MAP4K4: variants seen among roughly 807,000 people sequenced by gnomAD.
The protein encoded by MAP4K4 is mitogen-activated protein kinase kinase kinase kinase 4.
Under a neutral mutation model 189.6 loss-of-function variants are expected in MAP4K4, and 38 were observed. The ratio of observed to expected loss-of-function variants is 0.20; its 90% CI spans 0.15 to 0.26. The LOEUF (loss-of-function observed/expected upper bound fraction) is 0.26, where lower values mean the gene tolerates loss of function less well. Ranked by LOEUF, MAP4K4 falls within the 10% of genes least tolerant of loss-of-function variation. The pLI, the probability that MAP4K4 is intolerant of heterozygous loss-of-function variation, is 1.00. For missense variants in MAP4K4, 1,054 were observed against 1,726.9 expected (o/e 0.61, Z 6.91); for synonymous variants, 610 against 624.3 (o/e 0.98, Z 0.34).
At chr2:101,793,219 T>C (rs2093222834) in intron 3 of MAP4K4, among the ~76,000 whole-genome samples, 1 of 152,258 alleles carries the variant, frequency 6.6e-6, no homozygotes, top group South Asian at 2.1e-4. Flanking sequence ...ATAAGTATTA[T>C]ACAAACACAA....
rs189119141 is a variant in MAP4K4 at position 101,870,885 on chromosome 2, C to T, written c.2760+470C>T. On this transcript the variant is annotated intron_variant, in intron 23 of 32. Transcript: ENST00000324219. ...CAGAGACTCGGAGAGCAGAAGGGTT[C>T]GGGAGGTTTCTCTTCTATGTTCCAA... Among the ~76,000 whole-genome samples the T allele has an allele frequency of 3.5e-3, 539 of 152,246 alleles. 2 individuals are homozygous for T. The highest frequency in any genetic ancestry group is 0.012 in the African/African-American group (514 of 41,542).
chr2:101,786,615 C>T (rs975462623), intron 2 of MAP4K4, among the ~76,000 whole-genome samples: 1 of 152,116 alleles, frequency 6.6e-6, no homozygotes, highest in Non-Finnish European at 1.5e-5. Flanking sequence ...TAAGCTGTTT[C>T]TTTGAAAACA....
chr2:101,816,179 A>T (rs1035401089), intron 3 of MAP4K4, among the ~76,000 whole-genome samples: 1 of 152,122 alleles, frequency 6.6e-6, no homozygotes, highest in African/African-American at 2.4e-5. Context: ...TTATGGCCTG[A>T]AGTCTCTTCT....
intron 3 of MAP4K4, chr2:101,797,365 A>G: frequency 7.7e-7 from 1 of 1,290,778 alleles, no homozygotes; most frequent in Non-Finnish European, 1.0e-6. Context: ...TTACCACAGG[A>G]TCATTCAACG....
At chr2:101,886,956 C>T (rs575683453) in intron 29 of MAP4K4, 132 bp from the exon 30 acceptor site, 13 of 592,244 alleles carry the variant, frequency 2.2e-5, no homozygotes, top group South Asian at 8.9e-5. Flanking sequence ...ACCTGGGAGG[C>T]GGAGCTTGCA....
At chr2:101,704,639 C>T (rs1364850323) in intron 2 of MAP4K4, among the ~76,000 whole-genome samples, 2 of 123,832 alleles carry the variant, frequency 1.6e-5, no homozygotes. Context: ...GTGGTGTGAT[C>T]TCGGCCCACT....
At chr2:101,710,871 G>C (rs1470306259) in intron 2 of MAP4K4, among the ~76,000 whole-genome samples, 1 of 152,166 alleles carries the variant, frequency 6.6e-6, no homozygotes, top group Non-Finnish European at 1.5e-5. Context: ...GATAGGAGGG[G>C]TGTGTTCCAT....
chr2:101,874,503 GTAGT>G (rs910463669), intron 26 of MAP4K4, among the ~76,000 whole-genome samples: 1 of 152,158 alleles, frequency 6.6e-6, no homozygotes, highest in African/African-American at 2.4e-5. Flanking sequence ...AATTTTTGTA[GTAGT>G]TTTGTTACGT....
chr2:101,776,586 C>G lies in MAP4K4; in HGVS notation c.124-14134C>G, dbSNP rs1405080658. On this transcript the variant is annotated intron_variant, in intron 2 of 32. Coordinates refer to ENST00000324219, the Ensembl canonical transcript of MAP4K4. ...AATGCACCCCCACCCCCCCACCCCCCCAAAAAAAAACACTATGGAAAATGT... is the reference window on the plus strand; with the variant it reads ...AATGCACCCCCACCCCCCCACCCCCGCAAAAAAAAACACTATGGAAAATGT... Among the ~76,000 whole-genome samples the G allele has an allele frequency of 3.4e-5, 4 of 118,544 alleles. 1 individual carries two copies. The East Asian group carries it at 8.9e-4, about 26-fold the overall frequency. The allele number at this position is 118,544 out of a possible 152,430, so 77.8% of individuals were successfully genotyped here.
intron 2 of MAP4K4, among the ~76,000 whole-genome samples, chr2:101,753,668 T>C (rs2070513049): frequency 6.6e-6 from 1 of 152,184 alleles, no homozygotes; most frequent in South Asian, 2.1e-4. Flanking sequence ...ATACAGTTTT[T>C]TTTTTTTTTC....
chr2:101,704,567 A>AT (rs57278834), intron 2 of MAP4K4, among the ~76,000 whole-genome samples: 29 of 23,398 alleles, frequency 1.2e-3, no homozygotes, highest in East Asian at 3.4e-3. Flanking sequence ...ATATATATAT[A>AT]TTTTTTTTTT....
At chr2:101,795,061 G>A (rs1250342455) in intron 3 of MAP4K4, among the ~76,000 whole-genome samples, 3 of 152,188 alleles carry the variant, frequency 2.0e-5, no homozygotes, top group Non-Finnish European at 4.4e-5. Flanking sequence ...CAGGGAGTAC[G>A]TCAGTTCTAG....
chr2:101,705,892 C>T (rs553199490), intron 2 of MAP4K4, among the ~76,000 whole-genome samples: 35 of 152,276 alleles, frequency 2.3e-4, no homozygotes, highest in African/African-American at 8.4e-4. Context: ...GCAGGTGCTG[C>T]TTACAGCTTT....
At chr2:101,807,414 G>T (rs2095058724) in intron 3 of MAP4K4, among the ~76,000 whole-genome samples, 1 of 152,128 alleles carries the variant, frequency 6.6e-6, no homozygotes, top group African/African-American at 2.4e-5. Flanking sequence ...ATGATGATTT[G>T]AGGAACTGAC....
At chr2:101,837,565 C>G (rs1446892593) in intron 9 of MAP4K4, among the ~76,000 whole-genome samples, 4 of 152,112 alleles carry the variant, frequency 2.6e-5, no homozygotes, top group Admixed American at 2.6e-4. Context: ...CATAATAACT[C>G]TGGACATCCA....
chr2:101,823,043 A>G (rs964380121), intron 3 of MAP4K4, among the ~76,000 whole-genome samples: 1 of 152,132 alleles, frequency 6.6e-6, no homozygotes, highest in Non-Finnish European at 1.5e-5. Context: ...GTAGTATGTC[A>G]TGTATATATA....
chr2:101,716,850 TCA>T (rs1056494193), intron 2 of MAP4K4, among the ~76,000 whole-genome samples: 2 of 152,176 alleles, frequency 1.3e-5, no homozygotes, highest in Non-Finnish European at 2.9e-5. Flanking sequence ...TTCCCATATC[TCA>T]GTTTTCTTTT....
At chr2:101,725,408 A>G (rs13008336) in intron 2 of MAP4K4, among the ~76,000 whole-genome samples, 1 of 149,830 alleles carries the variant, frequency 6.7e-6, no homozygotes, top group Non-Finnish European at 1.5e-5. Flanking sequence ...AAACAAAAAC[A>G]AAAAAAAACC....
At chr2:101,834,273 A>C (rs2096678317) in intron 7 of MAP4K4, 136 bp from the exon 8 acceptor site, 2 of 656,112 alleles carry the variant, frequency 3.0e-6, no homozygotes, top group South Asian at 3.0e-5. Flanking sequence ...TAAGTTCTAC[A>C]AATGTGCTTG....
Sources: allele counts gnomAD v4.1 joint callset (sites outside exome capture counted in the v4.1 genomes callset), GRCh38; gene constraint gnomAD v4.1.1; transcripts MANE v1.5; gene names NCBI Gene and HGNC (gene_info 2026-07-23, HGNC 2026-07-21).